The following WASHC4 variants were observed in gnomAD, a reference collection of about 807,000 sequenced individuals.
WASHC4 encodes WASH complex subunit 7.
WASHC4 carries 86 observed loss-of-function variants against 166.6 expected under a neutral mutation model. That is an observed-to-expected ratio of 0.52 (90% confidence interval 0.43 to 0.62). The LOEUF (loss-of-function observed/expected upper bound fraction) is 0.62, where lower values mean the gene tolerates loss of function less well. Among genes scored for constraint, WASHC4 ranks in the 20% least tolerant of loss-of-function variants. The pLI is 0.00. For synonymous variants in WASHC4, 446 were observed against 451.6 expected (o/e 0.99, Z 0.16); for missense variants, 1,262 against 1,382.4 (o/e 0.91, Z 1.38).
chr12:105,157,360 A>G, intron 28 of WASHC4, 38 bp downstream of exon 28: 3 of 1,199,046 alleles, frequency 2.5e-6, no homozygotes, highest in Non-Finnish European at 3.7e-6. Context: ...GTGTGTTTAT[A>G]AAAAACATTC....
At chr12:105,161,933 G>A (rs1332023931) in intron 29 of WASHC4, among the ~76,000 whole-genome samples, 4 of 151,994 alleles carry the variant, frequency 2.6e-5, no homozygotes, top group Admixed American at 6.5e-5. Flanking sequence ...AAGGCAGGGC[G>A]AAAAAAATAA....
At chr12:105,146,723 T>C (rs1883326893) in intron 23 of WASHC4, among the ~76,000 whole-genome samples, 197 bp downstream of exon 23, 1 of 152,290 alleles carries the variant, frequency 6.6e-6, no homozygotes, top group Middle Eastern at 3.4e-3. Context: ...AGAAGTGTTT[T>C]GGATTTCAGA....
intron 16 of WASHC4, 133 bp from the exon 17 acceptor site, chr12:105,140,766 A>G: frequency 1.1e-6 from 1 of 877,816 alleles, no homozygotes; most frequent in South Asian, 1.5e-5. Context: ...TATAAATGTC[A>G]GAAGCTTAAA....
intron 2 of WASHC4, among the ~76,000 whole-genome samples, chr12:105,111,501 T>C (rs996473754): frequency 2.0e-5 from 3 of 152,202 alleles, no homozygotes; most frequent in African/African-American, 7.2e-5. Context: ...TGACACAAAC[T>C]CCAAGTCTTT....
chr12:105,128,290 G>C (rs1026614920), intron 13 of WASHC4, among the ~76,000 whole-genome samples: 1 of 152,220 alleles, frequency 6.6e-6, no homozygotes, highest in African/African-American at 2.4e-5. Context: ...AATCAGGGTT[G>C]AAGAGGGATT....
chr12:105,139,871 T>C (rs1287715752), intron 15 of WASHC4, among the ~76,000 whole-genome samples: 1 of 152,004 alleles, frequency 6.6e-6, no homozygotes, highest in Non-Finnish European at 1.5e-5. Context: ...AATTTATCAG[T>C]TCTATACTTT....
At chr12:105,109,709 TC>T (rs1879474538) in intron 1 of WASHC4, among the ~76,000 whole-genome samples, 1 of 142,582 alleles carries the variant, frequency 7.0e-6, no homozygotes, top group Non-Finnish European at 1.5e-5. Context: ...TGCCGTGGCA[TC>T]GCCACGGCTC....
chr12:105,161,073 A>G (rs1884466049), intron 29 of WASHC4, among the ~76,000 whole-genome samples: 1 of 152,182 alleles, frequency 6.6e-6, no homozygotes, highest in Non-Finnish European at 1.5e-5. Flanking sequence ...GTTCCTATAA[A>G]GTTTAAAAAA....
At chr12:105,158,285 A>G (rs1884297302) in intron 28 of WASHC4, among the ~76,000 whole-genome samples, 1 of 152,184 alleles carries the variant, frequency 6.6e-6, no homozygotes, top group African/African-American at 2.4e-5. Context: ...TCAGTAATTC[A>G]TCCCATAAAA....
chr12:105,127,445 GT>G (rs1223657182), intron 13 of WASHC4, among the ~76,000 whole-genome samples, 156 bp downstream of exon 13: 1 of 152,096 alleles, frequency 6.6e-6, no homozygotes, highest in East Asian at 1.9e-4. Context: ...TTTTCTAGAA[GT>G]TTTTTGTAAA....
intron 15 of WASHC4, among the ~76,000 whole-genome samples, chr12:105,139,423 G>GTGTGTGTGTGTGTGTA: frequency 3.7e-5 from 1 of 27,392 alleles, no homozygotes; most frequent in South Asian, 1.9e-3. Context: ...ATATGTGTGT[G>GTGTGTGTGTGTGTGTA]TGTATATATA....
chr12:105,134,876 T>G (rs1405861824), intron 14 of WASHC4, among the ~76,000 whole-genome samples: 1 of 152,012 alleles, frequency 6.6e-6, no homozygotes, highest in Non-Finnish European at 1.5e-5. Context: ...GTCTCACTTG[T>G]TCTGTGTCCC....
chr12:105,168,715 C>T lies in WASHC4; in HGVS notation c.*1784C>T, dbSNP rs1330996915. 6.6e-6 allele frequency: 1 copy of T among 151,726 alleles called. No homozygotes were observed. The highest frequency in any genetic ancestry group is 2.4e-5 in the African/African-American group (1 of 41,310). 9.4% of individuals were successfully genotyped at this position (151,726 alleles called of 1,614,324 possible). ...ACAGACAATTATTTTTCCTTTAGGT[C>T]AAAATAATGTCACTGCTATCTGGAT... On this transcript the variant is annotated 3_prime_UTR_variant, in exon 33 of 33. Coordinates refer to ENST00000332180, the MANE Select transcript of WASHC4 (RefSeq NM_015275.3).
At chr12:105,133,938 C>CA in intron 14 of WASHC4, 42 bp downstream of exon 14, 5 of 1,585,100 alleles carry the variant, frequency 3.2e-6, no homozygotes, top group Non-Finnish European at 4.3e-6. Flanking sequence ...TTTGTTAATC[C>CA]AACTTACAGA....
intron 19 of WASHC4, 52 bp from the exon 20 acceptor site, chr12:105,143,075 G>C (rs1273328372): frequency 8.0e-6 from 9 of 1,119,644 alleles, no homozygotes; most frequent in African/African-American, 1.5e-5. Context: ...GTATTGTTTA[G>C]ATTAGAGACC....
At chr12:105,142,327 T>G in intron 18 of WASHC4, 126 bp from the exon 19 acceptor site, 1 of 692,626 alleles carries the variant, frequency 1.4e-6, no homozygotes, top group Non-Finnish European at 2.6e-6. Context: ...CTATGTTGGG[T>G]TAAGTGATGT....
chr12:105,147,227 G>T, intron 24 of WASHC4, 81 bp downstream of exon 24: 1 of 834,478 alleles, frequency 1.2e-6, no homozygotes. Flanking sequence ...AGAATATTGC[G>T]GTAAACATAC....
intron 23 of WASHC4, 117 bp downstream of exon 23, chr12:105,146,643 T>C: frequency 1.5e-6 from 1 of 679,562 alleles, no homozygotes; most frequent in Non-Finnish European, 2.6e-6. Context: ...ATAATTGTTT[T>C]CGAGGCCTTG....
At chr12:105,129,092 C>T (rs1349478330) in intron 13 of WASHC4, among the ~76,000 whole-genome samples, 5 of 151,930 alleles carry the variant, frequency 3.3e-5, no homozygotes, top group African/African-American at 1.2e-4. Context: ...ATTACAGGCA[C>T]CCACCACCAC....
Sources: allele counts gnomAD v4.1 joint callset (sites outside exome capture counted in the v4.1 genomes callset), GRCh38; gene constraint gnomAD v4.1.1; transcripts MANE v1.5; gene names NCBI Gene and HGNC (gene_info 2026-07-23, HGNC 2026-07-21).